The following BNIP5 variants were observed in gnomAD, a reference collection of about 807,000 sequenced individuals.
BNIP5 encodes the protein BCL2 interacting protein 5, also known as protein BNIP5.
BNIP5 carries 61 observed loss-of-function variants against 67.3 expected under a neutral mutation model. The observed-to-expected ratio is 0.91, with a 90% CI of 0.74 to 1.12. The LOEUF (loss-of-function observed/expected upper bound fraction) is 1.12, where lower values mean the gene tolerates loss of function less well. BNIP5 is among the 50% of genes most tolerant of loss of function. The pLI is 0.00. For synonymous variants in BNIP5, 317 were observed against 319.0 expected (o/e 0.99, Z 0.07); for missense variants, 826 against 816.3 (o/e 1.01, Z -0.14).
rs1481792325 is a variant in BNIP5 at position 36,317,215 on chromosome 6, C to T, written c.*141G>A. On this transcript the variant is annotated 3_prime_UTR_variant, in exon 12 of 12. Coordinates refer to ENST00000437635, the MANE Select transcript of BNIP5 (RefSeq NM_001010903.5). ...TGCTTCTCAGATACTAGGGTATGGACACAGAATGATTGTCTGCTCTTGTCT... is the reference window on the plus strand; with the variant it reads ...TGCTTCTCAGATACTAGGGTATGGATACAGAATGATTGTCTGCTCTTGTCT... 9 of 766,760 alleles carry T rather than the reference C, an allele frequency of 1.2e-5. No individual in the cohort carries two copies. The highest frequency in any genetic ancestry group is 1.7e-5 in the Non-Finnish European group (7 of 421,744). The allele number at this position is 766,760 out of a possible 1,614,324, so 47.5% of individuals were successfully genotyped here.
Position 36,316,826 on chromosome 6 carries a change from G to C in BNIP5, c.*530C>G, listed in dbSNP as rs1041299767. 2 of 399,992 alleles carry C rather than the reference G, an allele frequency of 5.0e-6. No individual in the cohort carries two copies. Among genetic ancestry groups the C allele is most frequent in the Non-Finnish European group, 8.8e-6 (2 of 227,020 alleles). 24.8% of individuals were successfully genotyped at this position (399,992 alleles called of 1,614,324 possible). On this transcript the variant is annotated 3_prime_UTR_variant, in exon 12 of 12. Transcript: ENST00000437635. ...TAGGTTTTTCCATCTTGGGCCTGCAGAGTTCCTGGGAGGCATCTACAAATC... is the reference window on the plus strand; with the variant it reads ...TAGGTTTTTCCATCTTGGGCCTGCACAGTTCCTGGGAGGCATCTACAAATC...
At chr6:36,317,420 AG>A (rs1460187991) in intron 11 of BNIP5, 29 bp from the exon 12 acceptor site, 1 of 1,600,844 alleles carries the variant, frequency 6.2e-7, no homozygotes, top group South Asian at 1.1e-5. Context: ...CATAGGTGTT[AG>A]CCACAGCTCA....
At chr6:36,323,590 G>C (rs1277886943) in intron 7 of BNIP5, 57 bp from the exon 8 acceptor site, 2 of 1,602,996 alleles carry the variant, frequency 1.2e-6, no homozygotes, top group Non-Finnish European at 1.7e-6. Flanking sequence ...GAGATCTCAG[G>C]TGAGGTGGGG....
chr6:36,327,837 CTTT>C (rs35688804), intron 3 of BNIP5, among the ~76,000 whole-genome samples: 13 of 137,308 alleles, frequency 9.5e-5, no homozygotes, highest in Admixed American at 1.5e-4. Flanking sequence ...TGTGGGTTTG[CTTT>C]TTTTTTTTTT....
Position 36,317,068 on chromosome 6 carries a change from A to AG in BNIP5, c.*287dup. 2 of 528,878 alleles carry AG rather than the reference A, an allele frequency of 3.8e-6. No homozygotes were observed. The highest frequency in any genetic ancestry group is 6.7e-6 in the Non-Finnish European group (2 of 300,344). The allele number at this position is 528,878 out of a possible 1,614,324, so 32.8% of individuals were successfully genotyped here. On this transcript the variant is annotated 3_prime_UTR_variant, in exon 12 of 12. Transcript: ENST00000437635. ...TCTGGAGAGGAGGGGGAATGTGTAG[A>AG]GGGTCATGCAGCAAGTCTGGGGTAG...
chr6:36,319,434 G>C lies in BNIP5; in HGVS notation c.1845C>G (p.Asn615Lys), dbSNP rs372101376. 1.9e-6 allele frequency: 3 copies of C among 1,614,208 alleles called. No individual in the cohort carries two copies. The highest frequency in any genetic ancestry group is 1.7e-6 in the Non-Finnish European group (2 of 1,180,022). ...CCATGAGGATGCACATGGCATGGCTGTTGCTGCCAGCAAATTTGTTAGCTA... is the reference window on the plus strand; with the variant it reads ...CCATGAGGATGCACATGGCATGGCTCTTGCTGCCAGCAAATTTGTTAGCTA... The part of the protein sequence containing the change: ...VSLANKFAGS[N>K]SHAMCILMGL... The change falls in exon 11 of 12, where the codon AAC becomes AAG. Residue 615 changes from asparagine (N) to lysine (K), a missense_variant. By Grantham distance (94) the Asn-to-Lys change is moderately conservative (BLOSUM62 0). Transcript: ENST00000437635.
At chr6:36,318,586 G>C (rs1001177814) in intron 11 of BNIP5, among the ~76,000 whole-genome samples, 4 of 151,962 alleles carry the variant, frequency 2.6e-5, no homozygotes, top group Non-Finnish European at 2.9e-5. Context: ...GCTAGGCGTG[G>C]TGGCATGCTC....
In BNIP5 at chr6:36,317,156, G is replaced by T; in HGVS notation, c.*200C>A. 1.6e-6 allele frequency: 1 copy of T among 614,608 alleles called. No individual in the cohort carries two copies. The highest frequency in any genetic ancestry group is 2.8e-5 in the Admixed American group (1 of 36,150). 38.1% of individuals were successfully genotyped at this position (614,608 alleles called of 1,614,324 possible). A position where few individuals can be genotyped will look rare whatever the true frequency, so the allele number is the denominator to read the frequency against. ...TCCAGTGCTGATTTCCCCAGACATG[G>T]CCTCTGTGTCTTGCCTTGTGGAAGA... On this transcript the variant is annotated 3_prime_UTR_variant, in exon 12 of 12. Transcript: ENST00000437635.
rs9348994 is a variant in BNIP5, at chr6:36,319,359, C to G, written c.1920G>C (p.Gln640His). Residue 640 changes from glutamine to histidine, a missense_variant, in exon 11 of 12, where the codon CAG becomes CAC. Physicochemically the swap from Gln to His is conservative, Grantham distance 24 (BLOSUM62 0). Transcript: ENST00000437635. Reference protein sequence around the residue: ...NCTQFPYREDQPNITSPKVES... With the variant: ...NCTQFPYREDHPNITSPKVES... ...TGTCTTCCCCGCCCTCTCTCACCGG[C>G]TGGTCCTCCCTGTATGGGAACTGGG... 747 of 1,613,500 alleles carry G rather than the reference C, an allele frequency of 4.6e-4. 1 individual carries two copies. The highest frequency in any genetic ancestry group is 6.0e-4 in the Non-Finnish European group (708 of 1,179,698).
chr6:36,324,907 G>A (rs1458869019), intron 6 of BNIP5, among the ~76,000 whole-genome samples: 7 of 151,930 alleles, frequency 4.6e-5, no homozygotes, highest in Non-Finnish European at 4.4e-5. Flanking sequence ...TTTCACAGAT[G>A]AAGAAACTGA....
At position 36,328,634 on chromosome 6, in the gene BNIP5, C is replaced by A; in HGVS notation, c.691G>T (p.Gly231Cys). The A allele has an allele frequency of 6.2e-7, 1 of 1,614,008 alleles. No homozygotes were observed. Among genetic ancestry groups the A allele is most frequent in the South Asian group, 1.1e-5 (1 of 91,082 alleles). ...GALDVSPHAT[G>C]HQQEEELKKP... ...TTGAGCTCCTCTTCTTGCTGATGAC[C>A]TGTGGCATGGGGAGAAACATCCAAA... Residue 231 changes from glycine to cysteine, a missense_variant, in exon 3 of 12, where the codon GGT (glycine) becomes TGT (cysteine). By Grantham distance (159) the Gly-to-Cys change is radical. Transcript: ENST00000437635.
chr6:36,330,326 C>T lies in BNIP5; in HGVS notation c.365G>A (p.Arg122Lys). ...GGAGATACCCTCCTTCCCCCTTGGC[C>T]TCCTGCTGGCCTTTTCTCTGGGCTC... ...PEEPREKASR[R>K]PRGKEGISQH... is the part of the protein sequence containing the mutation. The change falls in exon 2 of 12, where the codon AGG becomes AAG. Residue 122 changes from arginine to lysine, a missense_variant. Transcript: ENST00000437635. 1 of 1,614,242 alleles carries T rather than the reference C, an allele frequency of 6.2e-7. No homozygotes were observed. Among genetic ancestry groups the T allele is most frequent in the Non-Finnish European group, 8.5e-7 (1 of 1,180,042 alleles).
At chr6:36,331,118 T>C (rs936694599) in intron 1 of BNIP5, among the ~76,000 whole-genome samples, 18 of 152,222 alleles carry the variant, frequency 1.2e-4, no homozygotes, top group African/African-American at 4.3e-4. Context: ...CTCCTGGTGC[T>C]GACCAGTGGG....
In BNIP5 at chr6:36,330,655, C is replaced by T. The variant is rs144497847; in HGVS notation, c.36G>A (p.Ala12=). The T allele has an allele frequency of 1.8e-3, 2,838 of 1,597,028 alleles. 5 individuals are homozygous for T. The highest frequency in any genetic ancestry group is 2.2e-3 in the Non-Finnish European group (2,570 of 1,176,252). The change falls in exon 2 of 12, where the codon GCG becomes GCA. Residue 12 remains alanine (A), a synonymous_variant. Transcript: ENST00000437635. ...TGTCCAGAGACCTGGCTTTCTTCTC[C>T]GCCAGGGGCCTCCTTGGGCACCTTG... ...ENPRCPRRPL[A]EKKARSLDRP...
At chr6:36,322,537 G>T in intron 8 of BNIP5, 95 bp from the exon 9 acceptor site, 1 of 1,375,786 alleles carries the variant, frequency 7.3e-7, no homozygotes, top group Non-Finnish European at 9.9e-7. Flanking sequence ...AGCAGGGGCT[G>T]GTTTCCAGGC....
At chr6:36,325,466 A>C in intron 5 of BNIP5, 52 bp from the exon 6 acceptor site, 1 of 1,563,092 alleles carries the variant, frequency 6.4e-7, no homozygotes, top group South Asian at 1.2e-5. Flanking sequence ...GGGGCTGTTA[A>C]CTATGCACAG....
rs761053090 is a variant in BNIP5, at chr6:36,322,343, C to A, written c.1571G>T (p.Gly524Val). 6.2e-7 allele frequency: 1 copy of A among 1,614,132 alleles called. No homozygotes were observed. Among genetic ancestry groups the A allele is most frequent in the Non-Finnish European group, 8.5e-7 (1 of 1,180,014 alleles). Residue 524 changes from glycine (G) to valine (V), a missense_variant, in exon 9 of 12, where the codon GGG (glycine) becomes GTG (valine). Physicochemically the swap from Gly to Val is moderately radical, Grantham distance 109 (BLOSUM62 -3). Coordinates refer to ENST00000437635, the MANE Select transcript of BNIP5 (RefSeq NM_001010903.5). ...ACATGCTCCACTCAGCTGAGGTGCC[C>A]CTTCTGGCGTGTGGCCTCTAGCCTG... ...PSQARGHTPE[G>V]APQLSGACES...
intron 1 of BNIP5, 65 bp from the exon 2 acceptor site, chr6:36,330,759 T>C (rs1323829278): frequency 1.3e-6 from 2 of 1,501,626 alleles, no homozygotes; most frequent in East Asian, 4.5e-5. Flanking sequence ...TTTGTTTGTT[T>C]GTTTTGTTTG....
chr6:36,336,314 A>G (rs1772016203), intron 1 of BNIP5, among the ~76,000 whole-genome samples: 1 of 152,142 alleles, frequency 6.6e-6, no homozygotes, highest in African/African-American at 2.4e-5. Context: ...CTTGACCTCT[A>G]CCACATCCTG....
Sources: gnomAD v4.1 joint callset for allele counts (sites outside exome capture counted in the v4.1 genomes callset) on GRCh38, gnomAD v4.1.1 for gene constraint, MANE v1.5 for transcripts, NCBI Gene and HGNC (gene_info 2026-07-23, HGNC 2026-07-21) for gene names.